The following NPAS3 variants were observed in gnomAD, a reference collection of about 807,000 sequenced individuals.
The protein encoded by NPAS3 is neuronal PAS domain-containing protein 3.
NPAS3 carries 14 observed loss-of-function variants against 73.1 expected under a neutral mutation model. The observed-to-expected ratio is 0.19, with a 90% confidence interval of 0.13 to 0.30. The LOEUF (loss-of-function observed/expected upper bound fraction) is 0.30, where lower values mean the gene tolerates loss of function less well. Ranked by LOEUF, NPAS3 falls within the 10% of genes least tolerant of loss-of-function variation. The probability of loss-of-function intolerance (pLI) is 1.00; values close to 1 mark genes in which losing one functional copy is unlikely to be tolerated. For synonymous variants in NPAS3, 620 were observed against 541.5 expected, an observed-to-expected ratio of 1.14 and a Z score of -2.01; for missense variants, 1,096 against 1,250.0, an observed-to-expected ratio of 0.88 and a Z score of 1.86.
upstream of NPAS3, among the ~76,000 whole-genome samples, chr14:32,939,065 G>C (rs1253938458): frequency 6.9e-6 from 1 of 145,210 alleles, no homozygotes; most frequent in African/African-American, 2.5e-5. Context: ...GGCCGCCCGC[G>C]AGGCTCCGGC....
chr14:33,729,115 C>T (rs1305635663), intron 6 of NPAS3, among the ~76,000 whole-genome samples: 3 of 152,186 alleles, frequency 2.0e-5, no homozygotes, highest in Non-Finnish European at 4.4e-5. Flanking sequence ...CTTTCAATAT[C>T]TTTCTTACAG....
intron 2 of NPAS3, among the ~76,000 whole-genome samples, chr14:33,176,807 A>G (rs766669443): frequency 6.6e-6 from 1 of 152,120 alleles, no homozygotes; most frequent in Non-Finnish European, 1.5e-5. Context: ...TATTTTTCAT[A>G]GGAGTTGTAT....
chr14:33,695,589 G>T (rs1271518850), intron 6 of NPAS3, among the ~76,000 whole-genome samples: 3 of 152,150 alleles, frequency 2.0e-5, no homozygotes, highest in African/African-American at 7.2e-5. Flanking sequence ...CTTTAATTTT[G>T]TGAGTTGGTA....
exon 12 of NPAS3, chr14:33,799,886 G>A (rs145646443): frequency 3.7e-5 from 59 of 1,614,082 alleles, no homozygotes; most frequent in Non-Finnish European, 4.8e-5. Context: ...GGACAGCCGC[G>A]ACAGCGACGA....
intron 2 of NPAS3, among the ~76,000 whole-genome samples, chr14:33,089,792 C>T (rs10133957): frequency 0.33 from 50,499 of 151,682 alleles, 8,615 homozygotes; most frequent in African/African-American, 0.43. Context: ...AGACTAACAG[C>T]AGATCTCTCG....
In NPAS3 at chr14:33,013,609, AAT is replaced by A. The variant is rs148673736; in HGVS notation, c.51-42291_51-42290del. ...ACTTTTTATACATCTATACATTTAA[AAT>A]ATATTTTACTGTACACACTGATCTT... On this transcript the variant is annotated intron_variant, in intron 1 of 11. Transcript: ENST00000356141. Among the ~76,000 whole-genome samples, 1,143 of 152,276 alleles carry A rather than the reference AAT, an allele frequency of 7.5e-3. 16 individuals are homozygous for A. Among genetic ancestry groups the A allele is most frequent in the African/African-American group, 0.026 (1,096 of 41,572 alleles).
intron 4 of NPAS3, among the ~76,000 whole-genome samples, chr14:33,448,532 A>C (rs1220808067): frequency 6.6e-6 from 1 of 152,156 alleles, no homozygotes; most frequent in Non-Finnish European, 1.5e-5. Context: ...TATTCCATGA[A>C]CTGTGCTTGA....
At chr14:33,636,775 T>C (rs2058530170) in intron 5 of NPAS3, among the ~76,000 whole-genome samples, 1 of 152,126 alleles carries the variant, frequency 6.6e-6, no homozygotes, top group Non-Finnish European at 1.5e-5. Context: ...GGGCCCTAAA[T>C]TGCCAATTTC....
At chr14:33,312,083 G>A (rs75312676) in intron 3 of NPAS3, among the ~76,000 whole-genome samples, 6,100 of 152,152 alleles carry the variant, frequency 0.04, 146 homozygotes, top group Non-Finnish European at 0.06. Context: ...ACATACAGTA[G>A]TCAGAGCTCT....
intron 6 of NPAS3, among the ~76,000 whole-genome samples, chr14:33,731,578 A>T (rs2061403671): frequency 6.6e-6 from 1 of 152,102 alleles, no homozygotes; most frequent in Admixed American, 6.5e-5. Context: ...TGGCTCCCAG[A>T]CACCTCCTCT....
intron 3 of NPAS3, among the ~76,000 whole-genome samples, chr14:33,287,145 A>G (rs2041910890): frequency 6.6e-6 from 1 of 152,200 alleles, no homozygotes; most frequent in South Asian, 2.1e-4. Context: ...TCGTGGGAGA[A>G]AAAAAGTGAT....
In NPAS3 at chr14:33,692,836, T is replaced by TAAAAAAAAAA. The variant is rs34684535; in HGVS notation, c.733+16469_733+16478dup. Among the ~76,000 whole-genome samples the TAAAAAAAAAA allele has an allele frequency of 1.2e-4, 8 of 64,052 alleles. 1 individual carries two copies. The highest frequency in any genetic ancestry group is 4.0e-4 in the African/African-American group (7 of 17,688). The allele number at this position is 64,052 out of a possible 152,430, so 42.0% of individuals were successfully genotyped here. A position where few individuals can be genotyped will look rare whatever the true frequency, so the allele number is the denominator to read the frequency against. Reference sequence around the variant, plus strand: ...CAAGTGTTTAAGTAGCCCAATGTCTTAAAAAAAAAAAAAAAAAAAAAAAAA... The same window carrying TAAAAAAAAAA: ...CAAGTGTTTAAGTAGCCCAATGTCTTAAAAAAAAAAAAAAAAAAAAAAAAAAAAAAAAAAA... On this transcript the variant is annotated intron_variant, in intron 6 of 11. Coordinates refer to ENST00000356141, the Ensembl canonical transcript of NPAS3.
At chr14:33,059,082 C>T (rs2040995038) in intron 2 of NPAS3, among the ~76,000 whole-genome samples, 1 of 152,170 alleles carries the variant, frequency 6.6e-6, no homozygotes, top group African/African-American at 2.4e-5. Context: ...CTTGAAGTTG[C>T]AGAAAGTACT....
chr14:33,105,563 T>A (rs1454528202), intron 2 of NPAS3, among the ~76,000 whole-genome samples: 1 of 152,120 alleles, frequency 6.6e-6, no homozygotes, highest in Non-Finnish European at 1.5e-5. Flanking sequence ...TAAATTAGAT[T>A]ACATGGGCTA....
At chr14:33,325,639 C>CAAA (rs1164467989) in intron 3 of NPAS3, among the ~76,000 whole-genome samples, 2 of 62,026 alleles carry the variant, frequency 3.2e-5, no homozygotes, top group African/African-American at 5.3e-5. Flanking sequence ...GACTCCGTCT[C>CAAA]AAAAAAAAAA....
chr14:33,653,096 C>CTGT (rs2059046256), intron 5 of NPAS3, among the ~76,000 whole-genome samples: 1 of 152,240 alleles, frequency 6.6e-6, no homozygotes, highest in Admixed American at 6.5e-5. Context: ...GCCTTTAACA[C>CTGT]TGTTACTTGT....
chr14:33,176,441 C>G (rs567827992), intron 2 of NPAS3, among the ~76,000 whole-genome samples: 1 of 152,256 alleles, frequency 6.6e-6, no homozygotes, highest in African/African-American at 2.4e-5. Flanking sequence ...TGTGCCTGTT[C>G]TAGTTATTTC....
chr14:33,686,513 T>C (rs1175544678), intron 6 of NPAS3, among the ~76,000 whole-genome samples: 1 of 152,194 alleles, frequency 6.6e-6, no homozygotes, highest in Non-Finnish European at 1.5e-5. Flanking sequence ...CAATTGCCAT[T>C]ACTCATTGAC....
At position 33,680,490 on chromosome 14, in the gene NPAS3, T is replaced by G. The variant is rs2059903695; in HGVS notation, c.733+4105T>G. On this transcript the variant is annotated intron_variant, in intron 6 of 11. Coordinates refer to ENST00000356141, the Ensembl canonical transcript of NPAS3. ...CTGTGTATGTAGGTATGTATGTGTTTGGTGGGGTTTTTTGTATTTCTTTCT... is the reference window on the plus strand; with the variant it reads ...CTGTGTATGTAGGTATGTATGTGTTGGGTGGGGTTTTTTGTATTTCTTTCT... 4 of 663,504 alleles carry G rather than the reference T, an allele frequency of 6.0e-6. No homozygotes were observed. In the Admixed American group the frequency reaches 9.0e-5, roughly 15 times the overall value. 41.1% of individuals were successfully genotyped at this position (663,504 alleles called of 1,614,324 possible).
Sources: gnomAD v4.1 joint callset for allele counts (sites outside exome capture counted in the v4.1 genomes callset) on GRCh38, gnomAD v4.1.1 for gene constraint, MANE v1.5 for transcripts, NCBI Gene and HGNC (gene_info 2026-07-23, HGNC 2026-07-21) for gene names.